PLCH2: variants seen among roughly 807,000 people sequenced by gnomAD.
PLCH2 encodes 1-phosphatidylinositol 4,5-bisphosphate phosphodiesterase eta-2.
PLCH2 carries 98 observed loss-of-function variants against 134.7 expected under a neutral mutation model. That is an observed-to-expected ratio of 0.73 (90% CI 0.62 to 0.86). PLCH2 has a LOEUF of 0.86. Among genes scored for constraint, PLCH2 ranks in the 40% least tolerant of loss-of-function variants. PLCH2 has a pLI of 0.00. For synonymous variants in PLCH2, 974 were observed against 827.5 expected (o/e 1.18, Z -3.04); for missense variants, 1,994 against 1,986.6 (o/e 1.00, Z -0.07).
rs774621889 is a variant in PLCH2, at chr1:2,496,824, A to C, written c.1934-4A>C. 28 of 1,611,496 alleles carry C rather than the reference A, an allele frequency of 1.7e-5. No individual in the cohort carries two copies. The highest frequency in any genetic ancestry group is 6.8e-6 in the Non-Finnish European group (8 of 1,178,840). ...AGTCTGATGCCCGGTCACCGGCGCC[A>C]CAGCGGCGTCCAGCTGGCAGGTGTC... On this transcript the variant is annotated splice_polypyrimidine_tract_variant and splice_region_variant and intron_variant, in intron 14 of 21. Transcript: ENST00000378486.
chr1:2,459,152 G>T (rs561512349), intron 2 of PLCH2, among the ~76,000 whole-genome samples: 3 of 152,260 alleles, frequency 2.0e-5, no homozygotes, highest in Non-Finnish European at 4.4e-5. Flanking sequence ...TTTGCCATCC[G>T]CCAGGAGCTT....
chr1:2,434,451 T>C (rs1387850417), intron 2 of PLCH2, among the ~76,000 whole-genome samples: 1 of 152,236 alleles, frequency 6.6e-6, no homozygotes, highest in Non-Finnish European at 1.5e-5. Flanking sequence ...TCTCCTCAGC[T>C]GTATCCAGAA....
chr1:2,435,365 C>A (rs1639280644), intron 2 of PLCH2, among the ~76,000 whole-genome samples: 2 of 152,098 alleles, frequency 1.3e-5, no homozygotes, highest in Non-Finnish European at 2.9e-5. Context: ...AGGCTCACGC[C>A]CAGGGGTCCC....
At chr1:2,453,406 T>G (rs755309335) in intron 2 of PLCH2, among the ~76,000 whole-genome samples, 1 of 152,122 alleles carries the variant, frequency 6.6e-6, no homozygotes, top group Non-Finnish European at 1.5e-5. Context: ...GAGGCCCTTG[T>G]CCTATCTGGA....
Position 2,436,931 on chromosome 1 carries a change from T to C in PLCH2, c.115+6302T>C, listed in dbSNP as rs539970927. Among the ~76,000 whole-genome samples, 5 of 152,298 alleles carry C rather than the reference T, an allele frequency of 3.3e-5. No individual in the cohort carries two copies. In the East Asian group the frequency reaches 5.8e-4, roughly 18 times the overall value. ...CCCAAGAGACCACCCAGCTGAGGCCTCCTGGGGAGCTCTGGGGCCAGGGTG... is the reference window on the plus strand; with the variant it reads ...CCCAAGAGACCACCCAGCTGAGGCCCCCTGGGGAGCTCTGGGGCCAGGGTG... On this transcript the variant is annotated intron_variant, in intron 2 of 3. Transcript: ENST00000609981.
intron 1 of PLCH2, among the ~76,000 whole-genome samples, chr1:2,468,026 C>T (rs921659619): frequency 2.6e-5 from 4 of 152,234 alleles, no homozygotes; most frequent in Non-Finnish European, 4.4e-5. Context: ...CATGCCAGCA[C>T]GGGTCCTGAC....
chr1:2,503,952 TC>T lies in PLCH2; in HGVS notation c.2996del (p.Pro999HisfsTer47). ...DTRPLSTQRPLPPLCSLETIA... is the reference protein window; with the variant it reads ...DTRPLSTQRPXPPLCSLETIA... Reference sequence around the variant, plus strand: ...CGCCCCCTCTCCACGCAGCGGCCACTCCCCCCACTGTGCAGCCTGGAAACCA... The same window carrying T: ...CGCCCCCTCTCCACGCAGCGGCCACTCCCCCACTGTGCAGCCTGGAAACCA... On this transcript the variant is annotated frameshift_variant, in exon 22 of 22. Transcript: ENST00000378486. LOFTEE classifies it high-confidence loss of function. 40 of 814,540 alleles carry T rather than the reference TC, an allele frequency of 4.9e-5. No homozygotes were observed. Among genetic ancestry groups the T allele is most frequent in the Middle Eastern group, 3.0e-4 (1 of 3,366 alleles). The allele number at this position is 814,540 out of a possible 1,614,324, so 50.5% of individuals were successfully genotyped here.
At chr1:2,451,578 C>T (rs1640227846) in intron 2 of PLCH2, among the ~76,000 whole-genome samples, 1 of 152,164 alleles carries the variant, frequency 6.6e-6, no homozygotes, top group African/African-American at 2.4e-5. Flanking sequence ...TGTCCTATCA[C>T]CGTGGAGGGC....
chr1:2,467,517 G>A, exon 1 of PLCH2: 1 of 397,716 alleles, frequency 2.5e-6, no homozygotes, highest in Non-Finnish European at 4.4e-6. Context: ...CTCTGCGCGC[G>A]GGGTGCCCCT....
At chr1:2,424,759 G>A (rs541421228), upstream of PLCH2, among the ~76,000 whole-genome samples, 18 of 152,248 alleles carry the variant, frequency 1.2e-4, no homozygotes, top group Admixed American at 3.9e-4. Flanking sequence ...AGGCCAAGGC[G>A]GGCGGATCAC....
chr1:2,426,464 T>A (rs1638801354), intron 1 of PLCH2, among the ~76,000 whole-genome samples: 1 of 152,242 alleles, frequency 6.6e-6, no homozygotes, highest in African/African-American at 2.4e-5. Flanking sequence ...GTGAGCAGCC[T>A]CCTGAGTCCC....
upstream of PLCH2, among the ~76,000 whole-genome samples, chr1:2,423,169 TTTTGTTTG>T (rs141556777): frequency 4.0e-5 from 6 of 151,576 alleles, no homozygotes; most frequent in African/African-American, 9.7e-5. Flanking sequence ...TATTTAGTTT[TTTTGTTTG>T]TTTGTTTGTT....
At chr1:2,497,908 T>A (rs931548840) in intron 16 of PLCH2, 26 of 376,830 alleles carry the variant, frequency 6.9e-5, no homozygotes, top group African/African-American at 4.0e-4. Context: ...GGGGCCCCAG[T>A]GCCAGCGACC....
intron 2 of PLCH2, among the ~76,000 whole-genome samples, chr1:2,435,826 G>C (rs1221285753): frequency 2.7e-5 from 4 of 150,734 alleles, no homozygotes; most frequent in Non-Finnish European, 5.9e-5. Flanking sequence ...CACCTGGGGG[G>C]CTCAGCTGGG....
At chr1:2,480,392 G>A (rs1273320588) in intron 4 of PLCH2, 80 bp downstream of exon 4, 1 of 1,492,498 alleles carries the variant, frequency 6.7e-7, no homozygotes, top group Non-Finnish European at 9.2e-7. Context: ...GAGCCTGCCA[G>A]CCCTGACTGA....
At position 2,505,196 on chromosome 1, in the gene PLCH2, G is replaced by T; in HGVS notation, c.4234G>T (p.Val1412Phe). Reference sequence around the variant, plus strand: ...AGCATCCGCGGCTGCTGAAAACCTGGTCCTGCTCCGCCTCTGACCGTCAGT... The same window carrying T: ...AGCATCCGCGGCTGCTGAAAACCTGTTCCTGCTCCGCCTCTGACCGTCAGT... ...GPASAAAENL[V>F]LLRL Residue 1412 changes from valine (V) to phenylalanine (F), a missense_variant, in exon 22 of 22, where the codon GTC (valine) becomes TTC (phenylalanine). Around this residue, in one of 2 missense-constraint regions of PLCH2, gnomAD observed 900 missense variants for 752.3 expected, o/e 1.20. Transcript: ENST00000378486. The T allele has an allele frequency of 6.4e-7, 1 of 1,571,314 alleles. No homozygotes were observed. Among genetic ancestry groups the T allele is most frequent in the Non-Finnish European group, 8.6e-7 (1 of 1,168,524 alleles).
chr1:2,419,403 C>A, the PLCH2 span, among the ~76,000 whole-genome samples: 9 of 152,166 alleles, frequency 5.9e-5, 1 homozygote, highest in African/African-American at 9.7e-5. Context: ...TGTGAAGAGA[C>A]AATAATTGTC....
intron 2 of PLCH2, among the ~76,000 whole-genome samples, chr1:2,460,077 G>A (rs1462340750): frequency 6.6e-6 from 1 of 152,256 alleles, no homozygotes; most frequent in African/African-American, 2.4e-5. Flanking sequence ...GTCCAGCCCT[G>A]CCCAGGCCCT....
At chr1:2,447,331 G>A (rs373133227) in intron 2 of PLCH2, among the ~76,000 whole-genome samples, 69 of 152,286 alleles carry the variant, frequency 4.5e-4, no homozygotes, top group African/African-American at 1.6e-3. Context: ...TCCTTCTCCC[G>A]GATCGCTGGA....
Sources: gnomAD v4.1 joint callset for allele counts (sites outside exome capture counted in the v4.1 genomes callset) on GRCh38, gnomAD v4.1.1 for gene constraint, gnomAD v4.1.1 regional missense constraint, MANE v1.5 for transcripts, NCBI Gene and HGNC (gene_info 2026-07-23, HGNC 2026-07-21) for gene names.